Variants in SETD4 observed in about 807,000 individuals in gnomAD.
SETD4 encodes the protein SET domain containing 4.
Under a neutral mutation model 58.3 loss-of-function variants are expected in SETD4, and 46 were observed. That is an observed-to-expected ratio of 0.79 (90% CI 0.62 to 1.01). SETD4 has a LOEUF of 1.01. Among genes scored for constraint, SETD4 ranks in the 50% least tolerant of loss-of-function variants. The pLI is 0.00. For missense variants in SETD4, 490 were observed against 523.3 expected, an observed-to-expected ratio of 0.94 and a Z score of 0.62; for synonymous variants, 190 against 202.6, an observed-to-expected ratio of 0.94 and a Z score of 0.53.
At chr21:36,045,023 C>G (rs547012730) in intron 6 of SETD4, among the ~76,000 whole-genome samples, 2 of 152,186 alleles carry the variant, frequency 1.3e-5, no homozygotes, top group Non-Finnish European at 2.9e-5. Context: ...TTCCCAGAAC[C>G]CTTTCCCCAC....
At chr21:36,041,937 A>C (rs1400454840) in intron 7 of SETD4, 49 bp from the exon 8 acceptor site, 4 of 1,008,504 alleles carry the variant, frequency 4.0e-6, no homozygotes, top group Non-Finnish European at 5.8e-6. Flanking sequence ...ATTTGGACAA[A>C]AGTATGTCTC....
intron 4 of SETD4, chr21:36,051,474 G>A: frequency 7.3e-7 from 1 of 1,362,952 alleles, no homozygotes; most frequent in Non-Finnish European, 9.5e-7. Context: ...CATGGAGGAT[G>A]CTCAGGAAGA....
At chr21:36,036,879 C>T (rs754487257) in intron 10 of SETD4, among the ~76,000 whole-genome samples, 2 of 152,304 alleles carry the variant, frequency 1.3e-5, no homozygotes, top group South Asian at 2.1e-4. Context: ...TTTGTGACAA[C>T]GTGGATGAAC....
rs2065212742 is a variant in SETD4, at chr21:36,060,021, A to G, written c.-37+326T>C. 3.0e-6 allele frequency: 3 copies of G among 985,576 alleles called. No individual in the cohort carries two copies. In the East Asian group the frequency reaches 3.4e-4, roughly 112 times the overall value. 61.1% of individuals were successfully genotyped at this position (985,576 alleles called of 1,614,324 possible). On this transcript the variant is annotated intron_variant, in intron 1 of 11. Transcript: ENST00000332131. ...ACACAGGCACCGTCCCCGCCCCCAT[A>G]GTCCTCAAACTCTAGCCGTGAGGCC...
intron 3 of SETD4, among the ~76,000 whole-genome samples, chr21:36,055,176 C>T (rs988467801): frequency 3.3e-5 from 5 of 152,182 alleles, no homozygotes; most frequent in Non-Finnish European, 5.9e-5. Flanking sequence ...CAAAAACTTA[C>T]GTGCTAATCT....
In SETD4 at chr21:36,048,394, C is replaced by T. The variant is rs2064459410; in HGVS notation, c.210G>A (p.Glu70=). 1 of 1,614,072 alleles carries T rather than the reference C, an allele frequency of 6.2e-7. No individual in the cohort carries two copies. Among genetic ancestry groups the T allele is most frequent in the Non-Finnish European group, 8.5e-7 (1 of 1,180,002 alleles). The change falls in exon 5 of 12, where the codon GAG becomes GAA. Residue 70 remains glutamate, a splice_region_variant and synonymous_variant. Transcript: ENST00000332131. The part of the protein sequence containing the change: ...RGLMSQTSLQ[E]GQMIISLPES... ...CAGGCAACGAAATAATCATCTGTCC[C>T]TCCTGGCCAAAAGGAAAGTAAAGTT...
intron 7 of SETD4, chr21:36,043,117 C>G (rs2064143899): frequency 6.6e-6 from 1 of 152,154 alleles, no homozygotes; most frequent in African/African-American, 2.4e-5. Flanking sequence ...CAAAAGTAGC[C>G]AGGCATGGTG....
intron 1 of SETD4, 105 bp from the exon 2 acceptor site, chr21:36,059,029 C>T (rs952176860): frequency 6.3e-6 from 8 of 1,276,430 alleles, no homozygotes; most frequent in Non-Finnish European, 8.4e-6. Context: ...AATCACTGTT[C>T]TTTGTACCTT....
At chr21:36,040,751 T>C in intron 8 of SETD4, 96 bp from the exon 9 acceptor site, 1 of 1,102,002 alleles carries the variant, frequency 9.1e-7, no homozygotes. Context: ...TTTAAAGAGG[T>C]TGCTAAATGT....
intron 5 of SETD4, among the ~76,000 whole-genome samples, chr21:36,047,248 T>C (rs1258053628): frequency 6.6e-6 from 1 of 152,058 alleles, no homozygotes; most frequent in Non-Finnish European, 1.5e-5. Flanking sequence ...CAGCAAGACC[T>C]TGTCTCAAAA....
chr21:36,038,062 G>T, intron 10 of SETD4, 88 bp downstream of exon 10: 1 of 1,414,088 alleles, frequency 7.1e-7, no homozygotes, highest in Non-Finnish European at 9.6e-7. Flanking sequence ...ATGCTCTTAT[G>T]AAATGCACTA....
Position 36,035,699 on chromosome 21 carries a change from T to A in SETD4, c.*294A>T. The A allele has an allele frequency of 4.2e-6, 1 of 236,500 alleles. No individual in the cohort carries two copies. The highest frequency in any genetic ancestry group is 5.0e-5 in the South Asian group (1 of 19,940). The allele number at this position is 236,500 out of a possible 1,614,324, so 14.7% of individuals were successfully genotyped here. On this transcript the variant is annotated 3_prime_UTR_variant, in exon 12 of 12. Transcript: ENST00000332131. ...AACCACTAGACTCTGATAGCTGCTG[T>A]GTCAGATAAGAAGCAGGCCCCGTGG...
chr21:36,057,301 C>T (rs2065036021), intron 2 of SETD4, 97 bp from the exon 3 acceptor site: 1 of 916,130 alleles, frequency 1.1e-6, no homozygotes. Flanking sequence ...GTCAGACAGA[C>T]TTACACAATA....
chr21:36,058,664 GC>G (rs2065116792), intron 2 of SETD4, 151 bp downstream of exon 2: 2 of 827,682 alleles, frequency 2.4e-6, no homozygotes. Flanking sequence ...GTTGCAGTGA[GC>G]CAAGATGACA....
chr21:36,038,516 C>T (rs1194284407), intron 9 of SETD4, among the ~76,000 whole-genome samples: 1 of 152,100 alleles, frequency 6.6e-6, no homozygotes, highest in Non-Finnish European at 1.5e-5. Context: ...TCTCTGCAGG[C>T]AAGGGCTGAA....
At position 36,038,136 on chromosome 21, in the gene SETD4, T is replaced by C. The variant is rs1420070056; in HGVS notation, c.1188+14A>G. 2.2e-5 allele frequency: 35 copies of C among 1,607,414 alleles called. No homozygotes were observed. The highest frequency in any genetic ancestry group is 2.9e-5 in the Non-Finnish European group (34 of 1,178,130). The stretch of plus-strand genomic sequence containing the variant: ...AAGACACTTCTTTAAGGATGTCATA[T>C]TCTAGAAACATACCTTTTGAAGCAC... On this transcript the variant is annotated intron_variant, in intron 10 of 11. Transcript: ENST00000332131.
chr21:36,044,140 C>T (rs1044744583), intron 6 of SETD4, among the ~76,000 whole-genome samples, 184 bp from the exon 7 acceptor site: 5 of 152,242 alleles, frequency 3.3e-5, no homozygotes, highest in South Asian at 2.1e-4. Flanking sequence ...CCATTGATGA[C>T]GGAGGGAGTC....
chr21:36,045,969 A>G lies in SETD4; in HGVS notation c.339T>C (p.Phe113=), dbSNP rs1293634281. The change falls in exon 6 of 12, where the codon TTT becomes TTC. Residue 113 remains phenylalanine, a synonymous_variant. Transcript: ENST00000332131. ...PPSPLLALCT[F]LVSEKHAGHR... is the part of the protein sequence containing the mutation. ...GCCCAGCATGCTTTTCTGAAACTAA[A>G]AAGGTGCACAGCGCCAGCAGAGGAG... 1 of 1,614,146 alleles carries G rather than the reference A, an allele frequency of 6.2e-7. No homozygotes were observed. The highest frequency in any genetic ancestry group is 2.2e-5 in the East Asian group (1 of 44,892).
rs1747942481 is a variant in SETD4, at chr21:36,057,097, G to A, written c.169+12C>T. 1 of 1,611,264 alleles carries A rather than the reference G, an allele frequency of 6.2e-7. No individual in the cohort carries two copies. On this transcript the variant is annotated intron_variant, in intron 3 of 11. Transcript: ENST00000332131. ...GTGGGAAAGGGCAGGACAGCTGAAG[G>A]CTAGATCTTACCTGGAAAACAAGCA...
Sources: allele counts gnomAD v4.1 joint callset (sites outside exome capture counted in the v4.1 genomes callset), GRCh38; gene constraint gnomAD v4.1.1; transcripts MANE v1.5; gene names NCBI Gene and HGNC (gene_info 2026-07-23, HGNC 2026-07-21).